Variants in CNTNAP2 observed in about 807,000 individuals in gnomAD.
CNTNAP2 encodes contactin associated protein 2.
A neutral mutation model predicts 155.2 loss-of-function variants in CNTNAP2; 98 were observed. The ratio of observed to expected loss-of-function variants is 0.63; its 90% CI spans 0.54 to 0.75. CNTNAP2 has a LOEUF of 0.75. Among genes scored for constraint, CNTNAP2 ranks in the 30% least tolerant of loss-of-function variants. The probability of loss-of-function intolerance (pLI) is 0.00; values close to 1 mark genes in which losing one functional copy is unlikely to be tolerated. For missense variants in CNTNAP2, 1,727 were observed against 1,688.1 expected (o/e 1.02, Z -0.40); for synonymous variants, 651 against 631.2 (o/e 1.03, Z -0.47).
intron 11 of CNTNAP2, among the ~76,000 whole-genome samples, chr7:147,521,094 G>A (rs745500974): frequency 8.5e-5 from 13 of 152,116 alleles, no homozygotes; most frequent in Non-Finnish European, 1.6e-4. Flanking sequence ...GCCTATCTTG[G>A]TATTCAGGGT....
chr7:147,180,052 A>T (rs1486138731), intron 8 of CNTNAP2, among the ~76,000 whole-genome samples: 1 of 152,152 alleles, frequency 6.6e-6, no homozygotes, highest in Non-Finnish European at 1.5e-5. Context: ...GACCTGTTAA[A>T]GAATACCCAG....
intron 15 of CNTNAP2, among the ~76,000 whole-genome samples, chr7:148,032,552 G>A (rs1200473039): frequency 3.3e-5 from 5 of 152,136 alleles, no homozygotes; most frequent in African/African-American, 1.2e-4. Context: ...AAGAACAAAG[G>A]AGAAGTGACA....
rs60716582 is a variant in CNTNAP2 at position 148,157,571 on chromosome 7, C to CAAAAAAAAAAAAA, written c.2773+9865_2773+9877dup. Among the ~76,000 whole-genome samples the CAAAAAAAAAAAAA allele has an allele frequency of 6.7e-4, 74 of 111,130 alleles. 1 individual carries two copies. Among genetic ancestry groups the CAAAAAAAAAAAAA allele is most frequent in the East Asian group, 1.7e-3 (6 of 3,496 alleles). The allele number at this position is 111,130 out of a possible 152,430, so 72.9% of individuals were successfully genotyped here. A position where few individuals can be genotyped will look rare whatever the true frequency, so the allele number is the denominator to read the frequency against. ...TCAAGCATGACAGAAGCAGAAGCAG[C>CAAAAAAAAAAAAA]AAAAAAAAAAAAAAAGTCACAGAGA... On this transcript the variant is annotated intron_variant, in intron 17 of 23. Transcript: ENST00000361727.
chr7:147,531,520 A>G (rs1231344115), intron 11 of CNTNAP2, among the ~76,000 whole-genome samples: 1 of 152,234 alleles, frequency 6.6e-6, no homozygotes, highest in Non-Finnish European at 1.5e-5. Flanking sequence ...CTGAAACCAC[A>G]GCCCAAGCTG....
chr7:146,638,496 TTTC>T lies in CNTNAP2; in HGVS notation c.98-135772_98-135770del, dbSNP rs1386546346. Reference sequence around the variant, plus strand: ...TGTTTCTTTTTTTTTTTTTTTTTTTTTTCTTTGAGATGGAGTCTCACTCTGTTG... The same window carrying T: ...TGTTTCTTTTTTTTTTTTTTTTTTTTTTTGAGATGGAGTCTCACTCTGTTG... On this transcript the variant is annotated intron_variant, in intron 1 of 23. Coordinates refer to ENST00000361727, the MANE Select transcript of CNTNAP2 (RefSeq NM_014141.6). Among the ~76,000 whole-genome samples the T allele has an allele frequency of 5.7e-3, 657 of 114,420 alleles. 34 individuals carry two copies. The highest frequency in any genetic ancestry group is 0.023 in the African/African-American group (604 of 26,388). The allele number at this position is 114,420 out of a possible 152,430, so 75.1% of individuals were successfully genotyped here.
chr7:147,911,269 A>T (rs998967232), intron 14 of CNTNAP2, among the ~76,000 whole-genome samples: 1 of 152,224 alleles, frequency 6.6e-6, no homozygotes, highest in African/African-American at 2.4e-5. Flanking sequence ...CCAAAGTGGG[A>T]AAGTTAAGGT....
At chr7:148,054,881 C>CTTTTTT (rs372468541) in intron 15 of CNTNAP2, among the ~76,000 whole-genome samples, 4 of 136,882 alleles carry the variant, frequency 2.9e-5, no homozygotes, top group African/African-American at 2.7e-5. Flanking sequence ...TAATAGGAAT[C>CTTTTTT]TTTTTTTTTT....
rs183770055 is a variant in CNTNAP2, at chr7:148,250,110, G to C, written c.3382-16923G>C. On this transcript the variant is annotated intron_variant, in intron 20 of 23. Coordinates refer to ENST00000361727, the MANE Select transcript of CNTNAP2 (RefSeq NM_014141.6). ...ACTTGAGCCTCACTGGCTTCATGCC[G>C]GGAATTCTCCCGCCTTGGCTGCTCT... is the stretch of plus-strand genomic sequence containing the variant. Among the ~76,000 whole-genome samples the C allele has an allele frequency of 5.4e-4, 83 of 152,322 alleles. 1 individual carries two copies. In the East Asian group the frequency reaches 0.011, roughly 21 times the overall value.
intron 13 of CNTNAP2, among the ~76,000 whole-genome samples, chr7:147,795,245 C>A (rs1321516092): frequency 6.6e-6 from 1 of 151,838 alleles, no homozygotes; most frequent in African/African-American, 2.4e-5. Flanking sequence ...AAGTGTATCT[C>A]CTGTAAACAG....
chr7:146,375,039 C>G (rs1377278174), intron 1 of CNTNAP2, among the ~76,000 whole-genome samples: 4 of 152,200 alleles, frequency 2.6e-5, no homozygotes. Context: ...AAACACATTA[C>G]ATATTGCCTT....
chr7:146,252,826 G>A (rs1024883612), intron 1 of CNTNAP2, among the ~76,000 whole-genome samples: 10 of 152,072 alleles, frequency 6.6e-5, no homozygotes, highest in Non-Finnish European at 1.3e-4. Context: ...TCAAACCACA[G>A]ATATGATCCA....
At chr7:146,354,666 C>T (rs1404241673) in intron 1 of CNTNAP2, among the ~76,000 whole-genome samples, 1 of 152,130 alleles carries the variant, frequency 6.6e-6, no homozygotes, top group Non-Finnish European at 1.5e-5. Flanking sequence ...CCACCCACCT[C>T]AGCCTCCCAA....
At chr7:146,182,435 T>C (rs192295951) in intron 1 of CNTNAP2, among the ~76,000 whole-genome samples, 177 of 152,246 alleles carry the variant, frequency 1.2e-3, no homozygotes, top group African/African-American at 4.2e-3. Context: ...AGTCTACATA[T>C]AGGCAAGCAG....
At chr7:146,678,210 A>G (rs1367149009) in intron 1 of CNTNAP2, among the ~76,000 whole-genome samples, 1 of 150,782 alleles carries the variant, frequency 6.6e-6, no homozygotes, top group African/African-American at 2.4e-5. Context: ...CTGGGATTTT[A>G]GGCGACCACC....
chr7:148,312,002 G>A (rs1797603455), intron 21 of CNTNAP2, among the ~76,000 whole-genome samples: 1 of 152,272 alleles, frequency 6.6e-6, no homozygotes, highest in African/African-American at 2.4e-5. Context: ...AAGGAGCCGG[G>A]GAGCAGAAAG....
chr7:147,454,714 C>T (rs1474141779), intron 10 of CNTNAP2, among the ~76,000 whole-genome samples: 1 of 151,664 alleles, frequency 6.6e-6, no homozygotes, highest in Non-Finnish European at 1.5e-5. Flanking sequence ...ACCTTCAAGA[C>T]GCCTTAGCCT....
chr7:147,979,812 G>A (rs534562724), intron 15 of CNTNAP2, among the ~76,000 whole-genome samples: 6 of 152,014 alleles, frequency 3.9e-5, no homozygotes, highest in Admixed American at 1.3e-4. Flanking sequence ...TAGTAGAGAC[G>A]GGGTTTCACC....
Position 146,852,703 on chromosome 7 carries a change from T to G in CNTNAP2, c.402+12799T>G, listed in dbSNP as rs150186214. ...AGAGCTCGCCCAGAGCCAAAACAGC[T>G]TTCCCCAATTAAAAGTTGAGGTTGA... On this transcript the variant is annotated intron_variant, in intron 3 of 23. Coordinates refer to ENST00000361727, the MANE Select transcript of CNTNAP2 (RefSeq NM_014141.6). Among the ~76,000 whole-genome samples, 1,261 of 152,328 alleles carry G rather than the reference T, an allele frequency of 8.3e-3. 13 individuals carry two copies. Among genetic ancestry groups the G allele is most frequent in the African/African-American group, 0.029 (1,200 of 41,584 alleles).
chr7:147,724,111 A>G (rs1796606408), intron 13 of CNTNAP2, among the ~76,000 whole-genome samples: 1 of 151,918 alleles, frequency 6.6e-6, no homozygotes, highest in Admixed American at 6.6e-5. Flanking sequence ...AGGCTATAAC[A>G]TTTTCCATAC....
Sources: gnomAD v4.1 joint callset for allele counts (sites outside exome capture counted in the v4.1 genomes callset) on GRCh38, gnomAD v4.1.1 for gene constraint, MANE v1.5 for transcripts, NCBI Gene and HGNC (gene_info 2026-07-23, HGNC 2026-07-21) for gene names.